MYO10: variants seen among roughly 807,000 people sequenced by gnomAD.
MYO10 encodes unconventional myosin-X.
MYO10 carries 133 observed loss-of-function variants against 257.3 expected under a neutral mutation model. That is an observed-to-expected ratio of 0.52 (90% CI 0.45 to 0.60). MYO10 has a LOEUF of 0.60. Ranked by LOEUF, MYO10 falls within the 20% of genes least tolerant of loss-of-function variation. The pLI, the probability that MYO10 is intolerant of heterozygous loss-of-function variation, is 0.00. For synonymous variants in MYO10, 1,104 were observed against 1,028.6 expected (o/e 1.07, Z -1.40); for missense variants, 2,399 against 2,635.7 (o/e 0.91, Z 1.97).
intron 2 of MYO10, among the ~76,000 whole-genome samples, chr5:16,854,990 G>A (rs184159937): frequency 2.9e-4 from 44 of 151,674 alleles, no homozygotes; most frequent in Middle Eastern, 6.8e-3. Context: ...CCGAGATTGC[G>A]CCATTGCACT....
At chr5:16,680,284 G>A (rs1038494911) in intron 32 of MYO10, among the ~76,000 whole-genome samples, 180 bp from the exon 33 acceptor site, 9 of 152,174 alleles carry the variant, frequency 5.9e-5, no homozygotes, top group African/African-American at 2.2e-4. Context: ...GAAAAAAAGT[G>A]TCTCTTGCAC....
chr5:16,832,932 T>C (rs1035388620), intron 2 of MYO10, among the ~76,000 whole-genome samples: 2 of 152,176 alleles, frequency 1.3e-5, no homozygotes, highest in African/African-American at 4.8e-5. Flanking sequence ...TGCCAACCAC[T>C]GCAGCCACAT....
At chr5:16,799,296 T>G (rs1032860816) in intron 3 of MYO10, among the ~76,000 whole-genome samples, 5 of 152,042 alleles carry the variant, frequency 3.3e-5, no homozygotes, top group Non-Finnish European at 7.4e-5. Flanking sequence ...TTAGCAAAGG[T>G]GAAGACGCAA....
At chr5:16,792,397 T>C (rs891230790) in intron 4 of MYO10, among the ~76,000 whole-genome samples, 3 of 152,174 alleles carry the variant, frequency 2.0e-5, no homozygotes, top group South Asian at 4.1e-4. Context: ...CCTGGCAAGC[T>C]CTTGGCACAG....
intron 1 of MYO10, among the ~76,000 whole-genome samples, chr5:16,878,930 A>T (rs1744684378): frequency 6.6e-6 from 1 of 152,044 alleles, no homozygotes; most frequent in African/African-American, 2.4e-5. Context: ...ATCACCACTG[A>T]ATAACATATC....
chr5:16,816,232 G>A (rs1180585177), intron 3 of MYO10, among the ~76,000 whole-genome samples: 2 of 151,146 alleles, frequency 1.3e-5, no homozygotes, highest in Non-Finnish European at 2.9e-5. Flanking sequence ...CCAGCTACTC[G>A]GGAGGCTGAG....
intron 18 of MYO10, among the ~76,000 whole-genome samples, chr5:16,757,307 CA>C (rs1560968341): frequency 6.4e-5 from 5 of 78,462 alleles, no homozygotes; most frequent in East Asian, 7.7e-4. Context: ...CACAAACACA[CA>C]CACACACGCA....
At chr5:16,857,540 A>C (rs1580080826) in intron 2 of MYO10, among the ~76,000 whole-genome samples, 1 of 152,196 alleles carries the variant, frequency 6.6e-6, no homozygotes. Context: ...GACTTGTTAG[A>C]AATGCACATT....
At chr5:16,815,430 G>C (rs1418879390) in intron 3 of MYO10, 1 of 700,808 alleles carries the variant, frequency 1.4e-6, no homozygotes. Flanking sequence ...TGGATTTGGA[G>C]TTTTTGGATT....
At chr5:16,782,415 T>C in intron 5 of MYO10, among the ~76,000 whole-genome samples, 1 of 152,160 alleles carries the variant, frequency 6.6e-6, no homozygotes, top group East Asian at 1.9e-4. Flanking sequence ...TGTGGCTGGG[T>C]TCCAATAAAA....
intron 39 of MYO10, among the ~76,000 whole-genome samples, chr5:16,668,913 A>G (rs1231127560): frequency 3.3e-5 from 5 of 152,184 alleles, no homozygotes; most frequent in Non-Finnish European, 7.4e-5. Flanking sequence ...AAAATCTAGG[A>G]TCACAGAGGA....
chr5:16,849,669 A>G (rs985313629), intron 2 of MYO10, among the ~76,000 whole-genome samples: 2 of 152,210 alleles, frequency 1.3e-5, no homozygotes, highest in Non-Finnish European at 2.9e-5. Flanking sequence ...ATTAACAACA[A>G]ATTTGGAGAA....
At chr5:16,899,924 G>A (rs58436809) in intron 1 of MYO10, among the ~76,000 whole-genome samples, 2 of 146,188 alleles carry the variant, frequency 1.4e-5, no homozygotes, top group South Asian at 4.3e-4. Flanking sequence ...CTTGAACCCA[G>A]GAGGCAGAGG....
At chr5:16,907,691 T>C (rs930280431) in intron 1 of MYO10, among the ~76,000 whole-genome samples, 2 of 152,210 alleles carry the variant, frequency 1.3e-5, no homozygotes, top group Non-Finnish European at 2.9e-5. Flanking sequence ...CAACTCACTG[T>C]GGGAAAAGGG....
intron 2 of MYO10, among the ~76,000 whole-genome samples, chr5:16,866,649 T>TA (rs1387726521): frequency 6.6e-6 from 1 of 151,708 alleles, no homozygotes; most frequent in Non-Finnish European, 1.5e-5. Context: ...GAAAAAGGGG[T>TA]AAGATGTCTC....
At chr5:16,794,328 C>T (rs1054077463) in intron 4 of MYO10, among the ~76,000 whole-genome samples, 2 of 150,450 alleles carry the variant, frequency 1.3e-5, no homozygotes, top group South Asian at 2.1e-4. Flanking sequence ...ATAGAAGGAC[C>T]ATGCCTCATC....
At chr5:16,837,573 T>A (rs1019117898) in intron 2 of MYO10, among the ~76,000 whole-genome samples, 2 of 152,148 alleles carry the variant, frequency 1.3e-5, no homozygotes, top group African/African-American at 2.4e-5. Flanking sequence ...ACTCTGTAAA[T>A]ACACTAAAGA....
In MYO10 at chr5:16,786,870, T is replaced by TA. The variant is rs869066240; in HGVS notation, c.468-3402dup. 9.7e-3 allele frequency among the ~76,000 whole-genome samples: 698 copies of TA among 71,972 alleles called. 7 individuals are homozygous for TA. Among genetic ancestry groups the TA allele is most frequent in the African/African-American group, 0.026 (665 of 26,014 alleles). The allele number at this position is 71,972 out of a possible 152,430, so 47.2% of individuals were successfully genotyped here. On this transcript the variant is annotated intron_variant, in intron 4 of 40. Coordinates refer to ENST00000513610, the MANE Select transcript of MYO10 (RefSeq NM_012334.3). ...GGTGTAGAACTCTGTCATTTTTATT[T>TA]AAAAAAAAAAATTTTTGGCCGGGGG...
rs1736714990 is a variant in MYO10 at position 16,676,162 on chromosome 5, TAAAG to T, written c.4543-12_4543-9del. On this transcript the variant is annotated splice_polypyrimidine_tract_variant and intron_variant, in intron 33 of 40. Transcript: ENST00000513610. ...CGAGTTCAGGCAGTTCTCCTAAAAA[TAAAG>T]CAAGCAAGCTTATTGTAAGAAACCT... 5 of 1,611,102 alleles carry T rather than the reference TAAAG, an allele frequency of 3.1e-6. No homozygotes were observed. Among genetic ancestry groups the T allele is most frequent in the Non-Finnish European group, 4.2e-6 (5 of 1,179,186 alleles).
Sources: allele counts gnomAD v4.1 joint callset (sites outside exome capture counted in the v4.1 genomes callset), GRCh38; gene constraint gnomAD v4.1.1; transcripts MANE v1.5; gene names NCBI Gene and HGNC (gene_info 2026-07-23, HGNC 2026-07-21).